SYTL5: variants seen among roughly 807,000 people sequenced by gnomAD.
The protein encoded by SYTL5 is synaptotagmin like 5.
A neutral mutation model predicts 55.9 loss-of-function variants in SYTL5; 34 were observed. That is an observed-to-expected ratio of 0.61 (90% CI 0.46 to 0.81). The LOEUF (loss-of-function observed/expected upper bound fraction) is 0.81. Ranked by LOEUF, SYTL5 falls within the 30% of genes least tolerant of loss-of-function variation. SYTL5 has a pLI of 0.00. For synonymous variants in SYTL5, 221 were observed against 188.7 expected, an observed-to-expected ratio of 1.17 and a Z score of -1.40; for missense variants, 637 against 546.7, an observed-to-expected ratio of 1.17 and a Z score of -1.65.
the SYTL5 span, among the ~76,000 whole-genome samples, chrX:37,932,756 A>T: frequency 8.9e-6 from 1 of 112,180 alleles, no homozygotes; most frequent in African/African-American, 3.2e-5. Context: ...AGCAGGACAA[A>T]TTTCTGGTTC....
intron 13 of SYTL5, among the ~76,000 whole-genome samples, chrX:38,119,992 C>T (rs1937552090): frequency 1.8e-5 from 2 of 112,230 alleles, no homozygotes; most frequent in African/African-American, 6.5e-5. Context: ...GAGGTATTTT[C>T]AGTGGCATTT....
the SYTL5 span, among the ~76,000 whole-genome samples, chrX:37,921,995 C>T: frequency 8.9e-6 from 1 of 112,069 alleles, no homozygotes; most frequent in Admixed American, 9.5e-5. Context: ...TTGCTTGTTT[C>T]CTGATGCTAT....
At chrX:37,900,693 A>G in the SYTL5 span, among the ~76,000 whole-genome samples, 1 of 112,101 alleles carries the variant, frequency 8.9e-6, no homozygotes, top group Non-Finnish European at 1.9e-5. Flanking sequence ...TTTGCTCCAG[A>G]GTTAAGAATT....
intron 1 of SYTL5, among the ~76,000 whole-genome samples, chrX:38,022,907 T>G (rs1290947660): frequency 9.0e-6 from 1 of 110,982 alleles, no homozygotes; most frequent in Non-Finnish European, 1.9e-5. Context: ...GATCTGGAGG[T>G]GAGGAAGATT....
intron 6 of SYTL5, among the ~76,000 whole-genome samples, chrX:38,080,952 C>T (rs987950643): frequency 1.2e-4 from 13 of 111,918 alleles, no homozygotes; most frequent in African/African-American, 4.2e-4. Context: ...TAAAACATTA[C>T]ATAGCTAGTT....
chrX:38,087,120 G>A (rs1936675873), intron 6 of SYTL5, among the ~76,000 whole-genome samples: 2 of 111,177 alleles, frequency 1.8e-5, no homozygotes, highest in African/African-American at 6.5e-5. Flanking sequence ...ACACACACAA[G>A]CAGAAACACC....
At chrX:37,905,442 G>T in the SYTL5 span, among the ~76,000 whole-genome samples, 1 of 107,177 alleles carries the variant, frequency 9.3e-6, no homozygotes, top group Admixed American at 9.8e-5. Flanking sequence ...TGTGTGTGGG[G>T]GGGGCGTGGG....
chrX:37,959,434 G>A, the SYTL5 span, among the ~76,000 whole-genome samples: 1 of 111,637 alleles, frequency 9.0e-6, no homozygotes, highest in Non-Finnish European at 1.9e-5. Context: ...TAATTAACAT[G>A]GTTAAGAGAG....
chrX:38,007,273 T>A (rs763377514), intron 1 of SYTL5, among the ~76,000 whole-genome samples: 20 of 111,931 alleles, frequency 1.8e-4, no homozygotes, highest in African/African-American at 6.1e-4. Flanking sequence ...AACATGAATA[T>A]GATACTGTAA....
chrX:37,919,419 T>A, the SYTL5 span, among the ~76,000 whole-genome samples: 110 of 111,939 alleles, frequency 9.8e-4, 1 homozygote, highest in African/African-American at 3.4e-3. Flanking sequence ...ATATTGTATA[T>A]TCTTATATAG....
At chrX:38,102,297 A>G in intron 9 of SYTL5, 45 bp from the exon 10 acceptor site, 1 of 934,321 alleles carries the variant, frequency 1.1e-6, no homozygotes, top group Non-Finnish European at 1.5e-6. Flanking sequence ...AACATTCTAG[A>G]AAAACAAATC....
chrX:37,985,178 T>G, the SYTL5 span, among the ~76,000 whole-genome samples: 6 of 111,665 alleles, frequency 5.4e-5, no homozygotes, highest in Non-Finnish European at 1.1e-4. Context: ...AAGGAAGAAG[T>G]AAAATTAACT....
intron 6 of SYTL5, 83 bp downstream of exon 6, chrX:38,076,784 T>C (rs925833921): frequency 1.1e-5 from 11 of 988,648 alleles, no homozygotes; most frequent in Non-Finnish European, 1.4e-5. Flanking sequence ...TTTAGGTATC[T>C]GTGAAATATT....
intron 6 of SYTL5, among the ~76,000 whole-genome samples, chrX:38,077,024 GA>G (rs1157501090): frequency 9.0e-5 from 10 of 111,441 alleles, no homozygotes; most frequent in Non-Finnish European, 1.7e-4. Flanking sequence ...TTAAGCTCCT[GA>G]AAAAAAGAAA....
the SYTL5 span, among the ~76,000 whole-genome samples, chrX:37,985,836 T>G: frequency 0.18 from 19,970 of 111,122 alleles, 1,756 homozygotes; most frequent in Non-Finnish European, 0.26. Flanking sequence ...AATGGATTAG[T>G]GGAATCAAAT....
chrX:37,957,625 T>C, the SYTL5 span, among the ~76,000 whole-genome samples: 1 of 112,152 alleles, frequency 8.9e-6, no homozygotes, highest in Non-Finnish European at 1.9e-5. Context: ...TTCTGTTCCA[T>C]TGGTTGTATA....
chrX:37,937,340 C>T, the SYTL5 span, among the ~76,000 whole-genome samples: 1 of 111,206 alleles, frequency 9.0e-6, no homozygotes, highest in Admixed American at 9.6e-5. Flanking sequence ...ATGTCAGAGA[C>T]ATTCAAAACG....
At chrX:38,042,377 A>G (rs1217261779) in intron 2 of SYTL5, among the ~76,000 whole-genome samples, 2 of 110,849 alleles carry the variant, frequency 1.8e-5, no homozygotes, top group Non-Finnish European at 3.8e-5. Context: ...CCCACTGTAA[A>G]TGTGGGTTTC....
the SYTL5 span, among the ~76,000 whole-genome samples, chrX:37,934,807 T>C: frequency 9.1e-6 from 1 of 109,980 alleles, no homozygotes; most frequent in Non-Finnish European, 1.9e-5. Context: ...TTAATTTTTG[T>C]ATTTTTAGTA....
Sources: allele counts gnomAD v4.1 joint callset (sites outside exome capture counted in the v4.1 genomes callset), GRCh38; gene constraint gnomAD v4.1.1; transcripts MANE v1.5; gene names NCBI Gene and HGNC (gene_info 2026-07-23, HGNC 2026-07-21).